The following LDLRAD3 variants were observed in gnomAD, a reference collection of about 807,000 sequenced individuals.
LDLRAD3 encodes low-density lipoprotein receptor class A domain-containing protein 3.
In LDLRAD3, 20 loss-of-function variants were observed where a neutral mutation model predicts 29.4. That is an observed-to-expected ratio of 0.68 (90% CI 0.48 to 0.99). The LOEUF is 0.99. Among genes scored for constraint, LDLRAD3 ranks in the 50% least tolerant of loss-of-function variants. LDLRAD3 has a pLI of 0.00. For synonymous variants in LDLRAD3, 157 were observed against 192.7 expected, an observed-to-expected ratio of 0.81 and a Z score of 1.53; for missense variants, 420 against 454.3, an observed-to-expected ratio of 0.92 and a Z score of 0.69.
intron 1 of LDLRAD3, among the ~76,000 whole-genome samples, chr11:35,994,336 C>CAAA (rs36041385): frequency 1.8e-4 from 9 of 49,036 alleles, no homozygotes; most frequent in South Asian, 8.8e-4. Context: ...GACTTTGTCT[C>CAAA]AAAAAAAAAA....
intron 1 of LDLRAD3, chr11:36,010,017 A>C (rs959778398): frequency 2.6e-5 from 4 of 154,340 alleles, no homozygotes; most frequent in Admixed American, 6.5e-5. Flanking sequence ...GCCTCAAAAA[A>C]TACTATCAGA....
At chr11:36,068,866 A>G (rs1461032996) in intron 2 of LDLRAD3, among the ~76,000 whole-genome samples, 1 of 152,084 alleles carries the variant, frequency 6.6e-6, no homozygotes, top group East Asian at 1.9e-4. Flanking sequence ...TCTTAACCCT[A>G]GGCTGTAGAC....
intron 2 of LDLRAD3, among the ~76,000 whole-genome samples, chr11:36,071,376 A>T (rs1396571122): frequency 1.3e-5 from 2 of 152,228 alleles, no homozygotes; most frequent in Non-Finnish European, 2.9e-5. Flanking sequence ...AATGTAAAGC[A>T]TGCATGTCCT....
At chr11:36,002,123 C>T (rs1851832611) in intron 1 of LDLRAD3, among the ~76,000 whole-genome samples, 1 of 152,156 alleles carries the variant, frequency 6.6e-6, no homozygotes, top group Non-Finnish European at 1.5e-5. Context: ...TGAATTGAAT[C>T]CAGTAGATGT....
intron 4 of LDLRAD3, among the ~76,000 whole-genome samples, chr11:36,149,884 C>CCTCATGA (rs919071339): frequency 2.6e-5 from 4 of 152,052 alleles, no homozygotes; most frequent in African/African-American, 4.8e-5. Context: ...GACTCATGTT[C>CCTCATGA]CTCATGACTC....
intron 1 of LDLRAD3, among the ~76,000 whole-genome samples, chr11:35,947,499 TAAA>T (rs1233988292): frequency 1.5e-5 from 2 of 136,192 alleles, no homozygotes; most frequent in Admixed American, 7.4e-5. Flanking sequence ...CTGCCTCAAT[TAAA>T]AAAAAAAAAA....
Position 36,066,155 on chromosome 11 carries a change from A to AT in LDLRAD3, c.194-15494dup, listed in dbSNP as rs1852788685. 2.8e-5 allele frequency among the ~76,000 whole-genome samples: 4 copies of AT among 143,730 alleles called. No homozygotes were observed. The South Asian group carries it at 8.9e-4, about 32-fold the overall frequency. The allele number at this position is 143,730 out of a possible 152,430, so 94.3% of individuals were successfully genotyped here. On this transcript the variant is annotated intron_variant, in intron 2 of 5. Transcript: ENST00000315571. ...TCTGTGATTCTTACACTCTTCACTC[A>AT]TTTTCTTTTTTTTTTTTTTCTTACT...
At chr11:36,200,800 C>T (rs890027049) in intron 4 of LDLRAD3, among the ~76,000 whole-genome samples, 9 of 152,176 alleles carry the variant, frequency 5.9e-5, no homozygotes, top group Admixed American at 5.9e-4. Flanking sequence ...ATCAGCCAGT[C>T]AAGAAATAAT....
intron 4 of LDLRAD3, among the ~76,000 whole-genome samples, chr11:36,111,812 C>A (rs1406533469): frequency 6.6e-6 from 1 of 152,196 alleles, no homozygotes; most frequent in African/African-American, 2.4e-5. Context: ...CTTGGCCAGG[C>A]TGGCCTGGAC....
At position 35,984,755 on chromosome 11, in the gene LDLRAD3, C is replaced by G. The variant is rs946461329; in HGVS notation, c.46+40611C>G. On this transcript the variant is annotated intron_variant, in intron 1 of 5. Transcript: ENST00000315571. ...CAAGCGATTCTCCTGCCTCAGCCTCCCGAGTAGCTGGGATTACAGGCATGC... is the reference window on the plus strand; with the variant it reads ...CAAGCGATTCTCCTGCCTCAGCCTCGCGAGTAGCTGGGATTACAGGCATGC... 1.2e-4 allele frequency among the ~76,000 whole-genome samples: 19 copies of G among 152,262 alleles called. 1 individual carries two copies. Among genetic ancestry groups the G allele is most frequent in the Admixed American group, 1.2e-3 (19 of 15,288 alleles).
At chr11:35,986,407 G>A (rs781620992) in intron 1 of LDLRAD3, among the ~76,000 whole-genome samples, 89 of 152,300 alleles carry the variant, frequency 5.8e-4, no homozygotes, top group Non-Finnish European at 5.6e-4. Flanking sequence ...AATTAATGTG[G>A]TTTTATCTTG....
intron 1 of LDLRAD3, among the ~76,000 whole-genome samples, chr11:36,029,992 C>A (rs1481264276): frequency 6.6e-6 from 1 of 152,174 alleles, no homozygotes; most frequent in African/African-American, 2.4e-5. Flanking sequence ...AGCCAATGGT[C>A]CTGGGCTGAA....
chr11:36,095,160 G>A (rs1423727586), intron 3 of LDLRAD3, among the ~76,000 whole-genome samples: 2 of 152,200 alleles, frequency 1.3e-5, no homozygotes, highest in African/African-American at 4.8e-5. Context: ...CACTGCAGTC[G>A]GTGACTGAGA....
Position 35,944,277 on chromosome 11 carries a change from A to G in LDLRAD3, c.46+133A>G, listed in dbSNP as rs1237509223. The G allele has an allele frequency of 3.5e-5, 16 of 452,610 alleles. No individual in the cohort carries two copies. Among genetic ancestry groups the G allele is most frequent in the Non-Finnish European group, 4.7e-5 (16 of 342,744 alleles). The allele number at this position is 452,610 out of a possible 1,614,324, so 28.0% of individuals were successfully genotyped here. On this transcript the variant is annotated intron_variant, in intron 1 of 5. Coordinates refer to ENST00000315571, the MANE Select transcript of LDLRAD3 (RefSeq NM_174902.4). The surrounding 1 kb of genome is among the most constrained non-coding windows in gnomAD (Gnocchi z 4.9). ...GGGCGTGGGTGAGCGCGGAGGGCGG[A>G]CCCCGGCGCCGGGCTGGCCCGGACC...
intron 2 of LDLRAD3, among the ~76,000 whole-genome samples, chr11:36,055,001 GCATGGATGGATAGATGGTTGGATGA>G (rs1852595870): frequency 7.9e-6 from 1 of 126,016 alleles, no homozygotes; most frequent in African/African-American, 3.1e-5. Flanking sequence ...ATGGATGGAT[GCATGGATGGATAGATGGTTGGATGA>G]ATGGATGGAT....
intron 2 of LDLRAD3, among the ~76,000 whole-genome samples, chr11:36,056,468 C>T (rs1852622141): frequency 6.6e-6 from 1 of 152,096 alleles, no homozygotes. Flanking sequence ...ACTTGGGTGG[C>T]CTAGCCAAGT....
At position 35,944,517 on chromosome 11, in the gene LDLRAD3, A is replaced by G. The variant is rs1851031500; in HGVS notation, c.46+373A>G. On this transcript the variant is annotated intron_variant, in intron 1 of 5. Transcript: ENST00000315571. This position sits in a 1 kb window ranked among gnomAD's most constrained non-coding sequence, Gnocchi z 4.9. ...GAAAGGAAAGGAGAGGAGAGGAGAG[A>G]ACTCTTCCCTGGTCTCATCTTCCCA... 6.7e-6 allele frequency among the ~76,000 whole-genome samples: 1 copy of G among 149,734 alleles called. No homozygotes were observed. Among genetic ancestry groups the G allele is most frequent in the Non-Finnish European group, 1.5e-5 (1 of 67,632 alleles).
At chr11:36,152,133 C>G (rs2133328632) in intron 4 of LDLRAD3, among the ~76,000 whole-genome samples, 1 of 152,306 alleles carries the variant, frequency 6.6e-6, no homozygotes, top group South Asian at 2.1e-4. Flanking sequence ...GAGAAATGCT[C>G]TCTTTCCCTC....
chr11:36,153,879 A>C (rs1056936044), intron 4 of LDLRAD3, among the ~76,000 whole-genome samples: 1 of 152,116 alleles, frequency 6.6e-6, no homozygotes, highest in Non-Finnish European at 1.5e-5. Context: ...CGATAGACTA[A>C]CAAGAGGTAG....
Sources: gnomAD v4.1 joint callset for allele counts (sites outside exome capture counted in the v4.1 genomes callset) on GRCh38, gnomAD v4.1.1 for gene constraint, Gnocchi (gnomAD v3.1) non-coding constraint, MANE v1.5 for transcripts, NCBI Gene and HGNC (gene_info 2026-07-23, HGNC 2026-07-21) for gene names.